The following ESRRG variants were observed in gnomAD, a reference collection of about 807,000 sequenced individuals.
ESRRG encodes estrogen-related receptor gamma.
A neutral mutation model predicts 44.0 loss-of-function variants in ESRRG; 13 were observed. That is an observed-to-expected ratio of 0.30 (90% CI 0.19 to 0.47). The LOEUF is 0.47. ESRRG is among the 20% of genes least tolerant of loss of function. The pLI is 1.00. For synonymous variants in ESRRG, 215 were observed against 214.6 expected, an observed-to-expected ratio of 1.00 and a Z score of -0.02; for missense variants, 395 against 580.6, an observed-to-expected ratio of 0.68 and a Z score of 3.29.
chr1:216,578,864 T>G (rs2062176871), intron 3 of ESRRG, among the ~76,000 whole-genome samples: 1 of 152,094 alleles, frequency 6.6e-6, no homozygotes, highest in Non-Finnish European at 1.5e-5. Context: ...TGAGGGCACA[T>G]TTTCAAGCCA....
chr1:216,882,123 T>C (rs959626322), intron 2 of ESRRG, among the ~76,000 whole-genome samples: 2 of 152,212 alleles, frequency 1.3e-5, no homozygotes, highest in Non-Finnish European at 2.9e-5. Context: ...ATTATAATTA[T>C]AACCACCATT....
Position 216,948,612 on chromosome 1 carries a change from C to G in ESRRG, c.-105-8939G>C, listed in dbSNP as rs536830531. 1.6e-4 allele frequency among the ~76,000 whole-genome samples: 25 copies of G among 151,958 alleles called. 1 individual carries two copies. Among genetic ancestry groups the G allele is most frequent in the African/African-American group, 5.5e-4 (23 of 41,450 alleles). Reference sequence around the variant, plus strand: ...ATATATAGTATTATGTACCCCCTCTCCCCCCATAAACTGGTATAAGGAATC... The same window carrying G: ...ATATATAGTATTATGTACCCCCTCTGCCCCCATAAACTGGTATAAGGAATC... On this transcript the variant is annotated intron_variant, in intron 1 of 7. Transcript: ENST00000359162.
chr1:216,700,091 G>A lies in ESRRG; in HGVS notation c.57-22600C>T, dbSNP rs142955331. Among the ~76,000 whole-genome samples, 32 of 150,102 alleles carry A rather than the reference G, an allele frequency of 2.1e-4. 1 individual carries two copies. In the East Asian group the frequency reaches 4.9e-3, roughly 23 times the overall value. On this transcript the variant is annotated intron_variant, in intron 1 of 6. Coordinates refer to ENST00000408911, the MANE Select transcript of ESRRG (RefSeq NM_001438.4). ...CACCAACATCTACTACCTCATCTCC[G>A]CTGCTTCTATTATACTCCCCGCAGC...
chr1:216,759,529 G>A (rs1265172651), intron 2 of ESRRG, among the ~76,000 whole-genome samples: 3 of 151,914 alleles, frequency 2.0e-5, no homozygotes. Flanking sequence ...CCCTTTTGTT[G>A]TTTTTCAATT....
At chr1:217,091,290 C>CA (rs1233982358), upstream of ESRRG, among the ~76,000 whole-genome samples, 22 of 152,132 alleles carry the variant, frequency 1.4e-4, no homozygotes, top group African/African-American at 3.9e-4. Flanking sequence ...GCCGAGGTTG[C>CA]AAAAAATTAA....
chr1:216,511,326 G>A (rs1212546703), intron 6 of ESRRG, among the ~76,000 whole-genome samples: 10 of 151,958 alleles, frequency 6.6e-5, no homozygotes, highest in Admixed American at 6.6e-4. Context: ...TGGTTCTTCG[G>A]GTAGCAATTG....
intron 3 of ESRRG, among the ~76,000 whole-genome samples, chr1:216,571,765 A>C (rs2149673089): frequency 6.6e-6 from 1 of 152,282 alleles, no homozygotes; most frequent in South Asian, 2.1e-4. Context: ...TTTATTTCCT[A>C]AAATAAAGAC....
At chr1:216,707,423 G>C (rs745766169) in intron 1 of ESRRG, 22 of 1,535,524 alleles carry the variant, frequency 1.4e-5, no homozygotes, top group African/African-American at 5.5e-5. Context: ...TCACATTCTC[G>C]CCACATTCAG....
chr1:216,682,381 C>T (rs1460001094), intron 1 of ESRRG, among the ~76,000 whole-genome samples: 1 of 152,090 alleles, frequency 6.6e-6, no homozygotes, highest in Non-Finnish European at 1.5e-5. Context: ...TCCTTAAGGG[C>T]CTGGAAAGGT....
chr1:216,806,652 CA>C (rs2094802888), intron 2 of ESRRG, among the ~76,000 whole-genome samples: 1 of 152,134 alleles, frequency 6.6e-6, no homozygotes, highest in Non-Finnish European at 1.5e-5. Context: ...AGTCCTGCCC[CA>C]GTGTATTATA....
intron 1 of ESRRG, among the ~76,000 whole-genome samples, chr1:217,033,163 A>G (rs2082321583): frequency 6.6e-6 from 1 of 152,242 alleles, no homozygotes; most frequent in Non-Finnish European, 1.5e-5. Context: ...AGGGAAATGT[A>G]GTGGCCGATG....
At chr1:217,098,002 A>G (rs1362702763) in intron 1 of ESRRG, among the ~76,000 whole-genome samples, 1 of 152,174 alleles carries the variant, frequency 6.6e-6, no homozygotes, top group Non-Finnish European at 1.5e-5. Flanking sequence ...GAACCAGGCA[A>G]TAGTATTGCT....
At chr1:216,821,604 G>A (rs1034846274) in intron 2 of ESRRG, among the ~76,000 whole-genome samples, 1 of 150,724 alleles carries the variant, frequency 6.6e-6, no homozygotes, top group African/African-American at 2.4e-5. Flanking sequence ...AGGACGGCTT[G>A]TGCCCAGGAG....
chr1:216,542,411 A>G (rs1205344749), intron 5 of ESRRG, among the ~76,000 whole-genome samples: 3 of 151,948 alleles, frequency 2.0e-5, no homozygotes, highest in African/African-American at 7.2e-5. Flanking sequence ...ATGAAACATC[A>G]ACATGTAATA....
chr1:216,884,426 C>T (rs1577655735), intron 2 of ESRRG, among the ~76,000 whole-genome samples: 1 of 152,160 alleles, frequency 6.6e-6, no homozygotes, highest in East Asian at 1.9e-4. Context: ...CTACTGATAA[C>T]ATTATCTTTG....
At chr1:217,135,403 AG>A (rs2093034405) in intron 1 of ESRRG, among the ~76,000 whole-genome samples, 1 of 152,182 alleles carries the variant, frequency 6.6e-6, no homozygotes, top group Non-Finnish European at 1.5e-5. Flanking sequence ...GGAGGGTAAG[AG>A]ATACAGCGAA....
At chr1:216,701,434 C>G (rs1019960620) in intron 1 of ESRRG, 11 of 152,176 alleles carry the variant, frequency 7.2e-5, no homozygotes, top group African/African-American at 2.7e-4. Context: ...CTGCTTCGTT[C>G]CTCTATGCAC....
intron 5 of ESRRG, among the ~76,000 whole-genome samples, chr1:216,550,040 C>T (rs1339868205): frequency 2.6e-5 from 4 of 151,956 alleles, no homozygotes; most frequent in South Asian, 4.2e-4. Context: ...ATTGTGGGGA[C>T]GTTGTTAGAA....
At chr1:216,822,180 G>GAAAT (rs1246345353) in intron 2 of ESRRG, among the ~76,000 whole-genome samples, 2 of 152,160 alleles carry the variant, frequency 1.3e-5, no homozygotes, top group Non-Finnish European at 2.9e-5. Flanking sequence ...CCTCTGCATA[G>GAAAT]AAATGTACTG....
Sources: allele counts gnomAD v4.1 joint callset (sites outside exome capture counted in the v4.1 genomes callset), GRCh38; gene constraint gnomAD v4.1.1; transcripts MANE v1.5; gene names NCBI Gene and HGNC (gene_info 2026-07-23, HGNC 2026-07-21).